Variants in CSMD1 observed in about 807,000 individuals in gnomAD.
The protein encoded by CSMD1 is CUB and Sushi multiple domains 1, also known as CUB and sushi domain-containing protein 1.
A neutral mutation model predicts 417.5 loss-of-function variants in CSMD1; 213 were observed. The observed-to-expected ratio is 0.51, with a 90% CI of 0.46 to 0.57. CSMD1 has a LOEUF of 0.57. Among genes scored for constraint, CSMD1 ranks in the 20% least tolerant of loss-of-function variants. The pLI is 0.00. For synonymous variants in CSMD1, 2,862 were observed against 1,736.8 expected (o/e 1.65, Z -16.11); for missense variants, 6,923 against 4,529.7 (o/e 1.53, Z -15.17).
At chr8:4,300,427 C>A (rs912785854) in intron 3 of CSMD1, among the ~76,000 whole-genome samples, 8 of 152,198 alleles carry the variant, frequency 5.3e-5, no homozygotes, top group African/African-American at 1.9e-4. Context: ...TGATGCCAGG[C>A]ATTCAGTCCA....
At chr8:4,763,868 C>G (rs552370701) in intron 1 of CSMD1, among the ~76,000 whole-genome samples, 1 of 152,214 alleles carries the variant, frequency 6.6e-6, no homozygotes, top group East Asian at 1.9e-4. Context: ...GGAAAGAAAA[C>G]TAAAATACAT....
intron 1 of CSMD1, among the ~76,000 whole-genome samples, chr8:4,986,643 T>C (rs1447729767): frequency 6.6e-6 from 1 of 152,102 alleles, no homozygotes; most frequent in Non-Finnish European, 1.5e-5. Flanking sequence ...TGAAAGAGCA[T>C]AATTATCCCC....
intron 3 of CSMD1, among the ~76,000 whole-genome samples, chr8:4,327,317 G>C (rs114875147): frequency 0.023 from 3,462 of 152,122 alleles, 54 homozygotes; most frequent in Middle Eastern, 0.034. Context: ...TTCTTTTCAA[G>C]AGCAATTTTA....
intron 25 of CSMD1, among the ~76,000 whole-genome samples, chr8:3,293,681 G>T (rs1438725971): frequency 1.3e-5 from 2 of 152,118 alleles, no homozygotes; most frequent in Non-Finnish European, 2.9e-5. Flanking sequence ...GCTACATCAG[G>T]TCCTTTAAGG....
At chr8:3,963,707 A>G (rs1306758895) in intron 5 of CSMD1, among the ~76,000 whole-genome samples, 2 of 152,328 alleles carry the variant, frequency 1.3e-5, no homozygotes, top group East Asian at 1.9e-4. Flanking sequence ...TTCATCGTAG[A>G]CAAACTGCAA....
intron 40 of CSMD1, among the ~76,000 whole-genome samples, chr8:3,151,001 T>A (rs1174675694): frequency 6.6e-6 from 1 of 152,178 alleles, no homozygotes; most frequent in African/African-American, 2.4e-5. Context: ...TTGTTTTATA[T>A]TTAAAAGGAG....
intron 1 of CSMD1, among the ~76,000 whole-genome samples, chr8:4,794,538 C>G (rs1327726757): frequency 6.6e-6 from 1 of 152,132 alleles, no homozygotes; most frequent in Admixed American, 6.5e-5. Flanking sequence ...GCCTGACTCT[C>G]CCTCCCCCAC....
intron 2 of CSMD1, among the ~76,000 whole-genome samples, chr8:4,430,472 G>C (rs966714405): frequency 6.6e-6 from 1 of 152,056 alleles, no homozygotes; most frequent in South Asian, 2.1e-4. Context: ...TGATTTAATA[G>C]ACATGGTATA....
intron 5 of CSMD1, among the ~76,000 whole-genome samples, chr8:3,868,488 A>AGCC (rs962893476): frequency 2.6e-4 from 39 of 152,034 alleles, no homozygotes; most frequent in African/African-American, 9.4e-4. Context: ...TCTCTCATTC[A>AGCC]ACAGACACAA....
Position 4,437,947 on chromosome 8 carries a change from G to C in CSMD1, c.303-17882C>G, listed in dbSNP as rs183281313. Among the ~76,000 whole-genome samples, 322 of 152,208 alleles carry C rather than the reference G, an allele frequency of 2.1e-3. 3 individuals carry two copies. The highest frequency in any genetic ancestry group is 2.1e-3 in the Non-Finnish European group (146 of 68,014). On this transcript the variant is annotated intron_variant, in intron 2 of 69. Transcript: ENST00000635120. ...CAACCTGCTTAAAGTAATTCTCTAA[G>C]TGTTTTCCATGTATTTTCTCATAAA...
In CSMD1 at chr8:4,182,047, T is replaced by G. The variant is rs200140134; in HGVS notation, c.416-149948A>C. On this transcript the variant is annotated intron_variant, in intron 3 of 69. Transcript: ENST00000635120. Reference sequence around the variant, plus strand: ...ACCCGTGTGTGTGTGTGTGTGTCGGTGTGTGTGTGTGTGTATACCTAAATT... The same window carrying G: ...ACCCGTGTGTGTGTGTGTGTGTCGGGGTGTGTGTGTGTGTATACCTAAATT... Among the ~76,000 whole-genome samples, 25 of 136,454 alleles carry G rather than the reference T, an allele frequency of 1.8e-4. No individual in the cohort carries two copies. The South Asian group carries it at 3.4e-3, about 18-fold the overall frequency. 89.5% of individuals were successfully genotyped at this position (136,454 alleles called of 152,430 possible).
intron 1 of CSMD1, among the ~76,000 whole-genome samples, chr8:4,684,231 A>G (rs1352881748): frequency 6.6e-6 from 1 of 152,216 alleles, no homozygotes; most frequent in Non-Finnish European, 1.5e-5. Flanking sequence ...TTTCTTCTTT[A>G]TACTTCGGAC....
intron 1 of CSMD1, among the ~76,000 whole-genome samples, chr8:4,658,718 T>C (rs1804391453): frequency 6.6e-6 from 1 of 152,142 alleles, no homozygotes. Context: ...TAAAAGTCAC[T>C]ATTCTTATAC....
chr8:4,164,091 A>G (rs1045631674), intron 3 of CSMD1, among the ~76,000 whole-genome samples: 2 of 147,296 alleles, frequency 1.4e-5, no homozygotes, highest in Admixed American at 6.9e-5. Context: ...TCCAATACTT[A>G]TCATGTTTTT....
intron 5 of CSMD1, among the ~76,000 whole-genome samples, chr8:3,948,756 G>A (rs982115606): frequency 2.6e-5 from 4 of 152,086 alleles, no homozygotes; most frequent in African/African-American, 7.2e-5. Context: ...TAGAAAAGAT[G>A]AGCATTTCTT....
At chr8:3,152,311 A>G (rs1464791365) in intron 39 of CSMD1, among the ~76,000 whole-genome samples, 19 of 152,270 alleles carry the variant, frequency 1.2e-4, no homozygotes, top group Admixed American at 2.0e-4. Flanking sequence ...AAGCATTTGA[A>G]GTTCCAATCT....
chr8:3,765,636 C>G (rs891056429), intron 5 of CSMD1, among the ~76,000 whole-genome samples: 1 of 152,178 alleles, frequency 6.6e-6, no homozygotes, highest in Non-Finnish European at 1.5e-5. Flanking sequence ...GAAGTGAACC[C>G]TAAGATGATA....
rs564019411 is a variant in CSMD1 at position 4,788,216 on chromosome 8, G to A, written c.86-150658C>T. 5.2e-5 allele frequency: 82 copies of A among 1,582,488 alleles called. 1 individual carries two copies. The African/African-American group carries it at 7.9e-4, about 15-fold the overall frequency. ...CATGTGAACTTTGAGTAACATCTGC[G>A]CATAAAGGACCAGATGAAACTCTGA... On this transcript the variant is annotated intron_variant, in intron 1 of 69. Transcript: ENST00000635120.
Position 2,936,690 on chromosome 8 carries a change from C to G in CSMD1, c.*1895G>C, listed in dbSNP as rs1004635659. On this transcript the variant is annotated 3_prime_UTR_variant, in exon 70 of 70. Coordinates refer to ENST00000635120, the MANE Select transcript of CSMD1 (RefSeq NM_033225.6). ...TCCCTAGGAGAGGCCAGTGAGTCCC[C>G]AAACAGCAGAGACCCTTTCGACCGA... The G allele has an allele frequency of 1.3e-5, 2 of 152,228 alleles. No homozygotes were observed. Among genetic ancestry groups the G allele is most frequent in the African/African-American group, 4.8e-5 (2 of 41,438 alleles). 9.4% of individuals were successfully genotyped at this position (152,228 alleles called of 1,614,324 possible).
Sources: allele counts gnomAD v4.1 joint callset (sites outside exome capture counted in the v4.1 genomes callset), GRCh38; gene constraint gnomAD v4.1.1; transcripts MANE v1.5; gene names NCBI Gene and HGNC (gene_info 2026-07-23, HGNC 2026-07-21).